Variants in MINDY2 observed in about 807,000 individuals in gnomAD.
MINDY2 encodes the protein ubiquitin carboxyl-terminal hydrolase MINDY-2.
A neutral mutation model predicts 68.2 loss-of-function variants in MINDY2; 52 were observed. The observed-to-expected ratio is 0.76, with a 90% confidence interval of 0.61 to 0.96. The LOEUF (loss-of-function observed/expected upper bound fraction) is 0.96. MINDY2 is among the 40% of genes least tolerant of loss of function. The pLI, the probability that MINDY2 is intolerant of heterozygous loss-of-function variation, is 0.00. For synonymous variants in MINDY2, 372 were observed against 303.0 expected (o/e 1.23, Z -2.36); for missense variants, 881 against 773.4 (o/e 1.14, Z -1.65).
At chr15:58,853,084 C>G (rs2032914927) in intron 8 of MINDY2, among the ~76,000 whole-genome samples, 1 of 151,424 alleles carries the variant, frequency 6.6e-6, no homozygotes, top group Admixed American at 6.6e-5. Context: ...TCCCAAGTAG[C>G]TGGGATTACA....
rs551315724 is a variant in MINDY2, at chr15:58,791,711, A to G, written c.898+3748A>G. Among the ~76,000 whole-genome samples the G allele has an allele frequency of 2.0e-5, 3 of 151,212 alleles. No individual in the cohort carries two copies. The East Asian group carries it at 5.8e-4, about 29-fold the overall frequency. ...AGGAACTGAATTTTTAATTTTATAT[A>G]ATATAAATTAAATTTAATAGCCACA... is the stretch of plus-strand genomic sequence containing the variant. On this transcript the variant is annotated intron_variant, in intron 2 of 8. Coordinates refer to ENST00000559228, the MANE Select transcript of MINDY2 (RefSeq NM_001040450.3).
intron 5 of MINDY2, 99 bp from the exon 6 acceptor site, chr15:58,831,675 G>A (rs1298458420): frequency 2.0e-6 from 2 of 1,004,142 alleles, no homozygotes; most frequent in African/African-American, 3.3e-5. Context: ...TATAATTATT[G>A]GCCTTTTTCC....
chr15:58,847,601 G>A, intron 7 of MINDY2, 131 bp downstream of exon 7: 5 of 671,900 alleles, frequency 7.4e-6, no homozygotes, highest in Non-Finnish European at 1.2e-5. Flanking sequence ...GACACTTCCT[G>A]AATAGTTGGT....
intron 1 of MINDY2, among the ~76,000 whole-genome samples, chr15:58,778,768 A>G (rs562496521): frequency 6.7e-6 from 1 of 150,152 alleles, no homozygotes; most frequent in African/African-American, 2.5e-5. Context: ...CTGGGACCAC[A>G]GGTGTGTGCT....
chr15:58,793,350 A>G (rs1268253979), intron 2 of MINDY2, among the ~76,000 whole-genome samples: 5 of 152,008 alleles, frequency 3.3e-5, no homozygotes, highest in African/African-American at 1.2e-4. Context: ...TACTTGGGAA[A>G]CTGAGGAGGA....
At chr15:58,797,869 T>C (rs1056639763) in intron 2 of MINDY2, among the ~76,000 whole-genome samples, 8 of 152,142 alleles carry the variant, frequency 5.3e-5, no homozygotes, top group African/African-American at 1.4e-4. Context: ...AGTGCAGAAG[T>C]ACTAATAGTA....
At chr15:58,852,924 T>G (rs1311856134) in intron 8 of MINDY2, among the ~76,000 whole-genome samples, 1 of 1,540 alleles carries the variant, frequency 6.5e-4, no homozygotes, top group South Asian at 0.038. Flanking sequence ...CTGTTCCTGT[T>G]TTTTTTTTTT....
In MINDY2 at chr15:58,855,129, T is replaced by C. The variant is rs1278688517; in HGVS notation, c.*519T>C. ...AATAGGAATAAATAACCCTTAATTG[T>C]ATATTGGACTAGTTCAGCCCTTAAA... On this transcript the variant is annotated 3_prime_UTR_variant, in exon 9 of 9. Coordinates refer to ENST00000559228, the MANE Select transcript of MINDY2 (RefSeq NM_001040450.3). 1 of 152,986 alleles carries C rather than the reference T, an allele frequency of 6.5e-6. No individual in the cohort carries two copies. The highest frequency in any genetic ancestry group is 2.4e-5 in the African/African-American group (1 of 41,460). The allele number at this position is 152,986 out of a possible 1,614,324, so 9.5% of individuals were successfully genotyped here. A position where few individuals can be genotyped will look rare whatever the true frequency, so the allele number is the denominator to read the frequency against.
intron 2 of MINDY2, among the ~76,000 whole-genome samples, chr15:58,800,959 G>A (rs1018618482): frequency 2.0e-5 from 3 of 151,816 alleles, no homozygotes; most frequent in African/African-American, 7.3e-5. Context: ...CAGTTGACAA[G>A]ATTTTTTAAA....
chr15:58,854,591 A>G lies in MINDY2; in HGVS notation c.1847A>G (p.Asn616Ser). The G allele has an allele frequency of 6.2e-7, 1 of 1,610,790 alleles. No individual in the cohort carries two copies. The change falls in exon 9 of 9, where the codon AAT becomes AGT. Residue 616 changes from asparagine to serine, a missense_variant. By Grantham distance (46) the Asn-to-Ser change is conservative. Transcript: ENST00000559228. ...EKDKEKEKEK[N>S]SCVIL ...GATAAAGAAAAAGAAAAGGAAAAAA[A>G]TAGCTGTGTTATTTTGTAACAAGTG...
chr15:58,802,536 TTTC>T (rs1159197935), intron 3 of MINDY2, among the ~76,000 whole-genome samples, 159 bp downstream of exon 3: 2 of 152,164 alleles, frequency 1.3e-5, no homozygotes, highest in African/African-American at 2.4e-5. Flanking sequence ...TATTCTTTGT[TTTC>T]TTTTTTTATG....
intron 1 of MINDY2, among the ~76,000 whole-genome samples, chr15:58,782,147 C>T (rs530714504): frequency 6.6e-6 from 1 of 152,070 alleles, no homozygotes; most frequent in African/African-American, 2.4e-5. Context: ...TTGAAAAAAG[C>T]GGGTAAAGCT....
chr15:58,792,749 G>C (rs1567044752), intron 2 of MINDY2, among the ~76,000 whole-genome samples: 1 of 152,190 alleles, frequency 6.6e-6, no homozygotes, highest in Non-Finnish European at 1.5e-5. Flanking sequence ...AAGGTATGAA[G>C]TACGAATACA....
At chr15:58,776,528 A>G (rs751664044) in intron 1 of MINDY2, among the ~76,000 whole-genome samples, 8 of 152,230 alleles carry the variant, frequency 5.3e-5, no homozygotes, top group Non-Finnish European at 1.0e-4. Context: ...GTACATTACT[A>G]TTGTCAAATG....
chr15:58,783,655 C>T (rs773544806), intron 1 of MINDY2, among the ~76,000 whole-genome samples: 1 of 152,060 alleles, frequency 6.6e-6, no homozygotes, highest in Non-Finnish European at 1.5e-5. Context: ...CAGAATGGTC[C>T]GGGCATGGTG....
At chr15:58,803,320 T>C (rs1207667393) in intron 3 of MINDY2, among the ~76,000 whole-genome samples, 1 of 151,046 alleles carries the variant, frequency 6.6e-6, no homozygotes, top group Non-Finnish European at 1.5e-5. Context: ...CAAAAAAAAT[T>C]AGCTGGGCAT....
intron 4 of MINDY2, among the ~76,000 whole-genome samples, chr15:58,814,005 T>C (rs907714852): frequency 1.3e-5 from 2 of 148,748 alleles, no homozygotes; most frequent in Non-Finnish European, 3.0e-5. Context: ...TGGCACAATC[T>C]TTGCTCAGTG....
At chr15:58,814,115 T>G (rs1000457031) in intron 4 of MINDY2, among the ~76,000 whole-genome samples, 1 of 151,808 alleles carries the variant, frequency 6.6e-6, no homozygotes, top group African/African-American at 2.4e-5. Context: ...TTTTTTTGTA[T>G]TTTTAGTAGA....
intron 5 of MINDY2, among the ~76,000 whole-genome samples, chr15:58,830,033 C>G (rs2031628663): frequency 6.6e-6 from 1 of 152,132 alleles, no homozygotes; most frequent in African/African-American, 2.4e-5. Context: ...GCATTCCCTT[C>G]CCTCCTCCCC....
Sources: gnomAD v4.1 joint callset for allele counts (sites outside exome capture counted in the v4.1 genomes callset) on GRCh38, gnomAD v4.1.1 for gene constraint, MANE v1.5 for transcripts, NCBI Gene and HGNC (gene_info 2026-07-23, HGNC 2026-07-21) for gene names.